RRAS2: variants seen among roughly 807,000 people sequenced by gnomAD.
The protein encoded by RRAS2 is RAS related 2, also known as ras-related protein R-Ras2.
Under a neutral mutation model 27.6 loss-of-function variants are expected in RRAS2, and 7 were observed. The observed-to-expected ratio is 0.25, with a 90% CI of 0.14 to 0.48. The LOEUF is 0.48. Among genes scored for constraint, RRAS2 ranks in the 20% least tolerant of loss-of-function variants. The pLI is 0.99. For missense variants in RRAS2, 178 were observed against 256.2 expected (o/e 0.69, Z 2.08); for synonymous variants, 86 against 90.9 (o/e 0.95, Z 0.31).
At chr11:14,355,523 ATATT>A (rs1849053608) in intron 1 of RRAS2, among the ~76,000 whole-genome samples, 1 of 152,212 alleles carries the variant, frequency 6.6e-6, no homozygotes, top group East Asian at 1.9e-4. Context: ...ATGATTTGTT[ATATT>A]TATTTTTAAA....
At chr11:14,348,067 A>G (rs1229497481) in intron 1 of RRAS2, among the ~76,000 whole-genome samples, 1 of 152,214 alleles carries the variant, frequency 6.6e-6, no homozygotes. Flanking sequence ...TACAAAATTA[A>G]GAAGATATAT....
In RRAS2 at chr11:14,358,807, C is replaced by T; in HGVS notation, c.64G>A (p.Gly22Arg). ...QEKYRLVVVG[G>R]GGVGKSALTI... ...AGCGCCGACTTGCCCACGCCGCCCC[C>T]GCCGACCACCACGAGCCGGTACTTC... The change falls in exon 1 of 6, where the codon GGG becomes AGG. Residue 22 changes from glycine to arginine, a missense_variant. Transcript: ENST00000256196. This position sits in a 1 kb window ranked among gnomAD's most constrained non-coding sequence, Gnocchi z 5.1. The T allele has an allele frequency of 6.7e-7, 1 of 1,490,218 alleles. No individual in the cohort carries two copies. Among genetic ancestry groups the T allele is most frequent in the Non-Finnish European group, 9.0e-7 (1 of 1,113,768 alleles). The allele number at this position is 1,490,218 out of a possible 1,614,324, so 92.3% of individuals were successfully genotyped here. A position where few individuals can be genotyped will look rare whatever the true frequency, so the allele number is the denominator to read the frequency against.
At chr11:14,290,525 C>T (rs1472689830) in intron 4 of RRAS2, among the ~76,000 whole-genome samples, 1 of 152,164 alleles carries the variant, frequency 6.6e-6, no homozygotes, top group Non-Finnish European at 1.5e-5. Context: ...CAATAGCATG[C>T]CCCCTAAGGG....
intron 1 of RRAS2, among the ~76,000 whole-genome samples, chr11:14,313,382 A>G (rs1385634594): frequency 6.6e-6 from 1 of 152,224 alleles, no homozygotes; most frequent in Non-Finnish European, 1.5e-5. Flanking sequence ...CAGATTCTAT[A>G]GCTATTATTG....
At chr11:14,317,446 G>C (rs566587742) in intron 1 of RRAS2, among the ~76,000 whole-genome samples, 1 of 152,270 alleles carries the variant, frequency 6.6e-6, no homozygotes, top group South Asian at 2.1e-4. Flanking sequence ...CAGGTGTGGT[G>C]GTGGGTGCCT....
At chr11:14,351,474 C>T (rs561795870) in intron 1 of RRAS2, among the ~76,000 whole-genome samples, 1 of 152,148 alleles carries the variant, frequency 6.6e-6, no homozygotes, top group South Asian at 2.1e-4. Flanking sequence ...CACCTGTAAT[C>T]CTAGCATTTT....
At position 14,341,996 on chromosome 11, in the gene RRAS2, G is replaced by T. The variant is rs117457571; in HGVS notation, c.108+16767C>A. The T allele has an allele frequency of 8.5e-3, 5,514 of 648,896 alleles. 41 individuals are homozygous for T. Among genetic ancestry groups the T allele is most frequent in the Non-Finnish European group, 0.01 (4,688 of 460,302 alleles). The allele number at this position is 648,896 out of a possible 1,614,324, so 40.2% of individuals were successfully genotyped here. ...GATAGTATTCCTAAACTACGTTTTG[G>T]AGAGGACACCACTGCAAATCTTCAG... On this transcript the variant is annotated intron_variant, in intron 1 of 5. Transcript: ENST00000256196.
At chr11:14,308,333 A>G (rs1554948403) in intron 1 of RRAS2, 3 of 436,826 alleles carry the variant, frequency 6.9e-6, no homozygotes, top group East Asian at 7.4e-5. Context: ...CAGATTAAAC[A>G]TAAACTCTTT....
intron 4 of RRAS2, among the ~76,000 whole-genome samples, chr11:14,289,728 A>C (rs1420929758): frequency 2.0e-5 from 3 of 152,216 alleles, no homozygotes; most frequent in Non-Finnish European, 2.9e-5. Context: ...AGGATGAAAG[A>C]AGCAACCCAG....
chr11:14,295,051 G>C (rs1387361923), intron 2 of RRAS2, among the ~76,000 whole-genome samples, 189 bp from the exon 3 acceptor site: 1 of 152,130 alleles, frequency 6.6e-6, no homozygotes, highest in Non-Finnish European at 1.5e-5. Flanking sequence ...CAGTTACAGA[G>C]TTTATCTTCA....
intron 1 of RRAS2, among the ~76,000 whole-genome samples, chr11:14,324,149 T>C (rs1848293151): frequency 6.6e-6 from 1 of 151,998 alleles, no homozygotes; most frequent in South Asian, 2.1e-4. Flanking sequence ...ATATATTTGA[T>C]ATGATTATCT....
intron 1 of RRAS2, among the ~76,000 whole-genome samples, chr11:14,318,128 A>G (rs538192257): frequency 9.8e-5 from 15 of 152,328 alleles, no homozygotes; most frequent in South Asian, 2.1e-4. Flanking sequence ...AGGCTTTTCT[A>G]TGTGTAAACC....
intron 1 of RRAS2, among the ~76,000 whole-genome samples, chr11:14,334,693 G>C (rs955539824): frequency 7.3e-5 from 11 of 150,338 alleles, no homozygotes; most frequent in African/African-American, 2.0e-4. Context: ...CCCTTCTAGC[G>C]AGTGTTAAAA....
At chr11:14,284,329 T>C (rs1379786565) in intron 4 of RRAS2, among the ~76,000 whole-genome samples, 1 of 152,194 alleles carries the variant, frequency 6.6e-6, no homozygotes, top group East Asian at 1.9e-4. Flanking sequence ...TTTGAAGATA[T>C]CCTAGATACC....
chr11:14,340,592 C>T (rs1365426948), intron 1 of RRAS2, among the ~76,000 whole-genome samples: 8 of 152,130 alleles, frequency 5.3e-5, no homozygotes, highest in Non-Finnish European at 8.8e-5. Context: ...AAAATACCTA[C>T]AAAACTAAAC....
chr11:14,334,982 T>C (rs1848562501), intron 1 of RRAS2, among the ~76,000 whole-genome samples: 1 of 152,242 alleles, frequency 6.6e-6, no homozygotes. Context: ...GCGGTCTGGC[T>C]TCTAGTCCCA....
upstream of RRAS2, among the ~76,000 whole-genome samples, chr11:14,362,224 G>A (rs573510152): frequency 6.6e-6 from 1 of 152,106 alleles, no homozygotes; most frequent in East Asian, 1.9e-4. Context: ...TATTGTGTCT[G>A]TATTATGTCT....
chr11:14,285,094 G>A (rs1257311903), intron 4 of RRAS2, among the ~76,000 whole-genome samples: 2 of 151,858 alleles, frequency 1.3e-5, no homozygotes, highest in Non-Finnish European at 2.9e-5. Flanking sequence ...CCTTCTTTTG[G>A]GTTAGCTGAG....
intron 1 of RRAS2, among the ~76,000 whole-genome samples, chr11:14,327,060 C>CAAAAA (rs201334157): frequency 2.5e-5 from 1 of 39,778 alleles, no homozygotes. Flanking sequence ...GACTCTGTCT[C>CAAAAA]AAAAAAAAAA....
Sources: allele counts gnomAD v4.1 joint callset (sites outside exome capture counted in the v4.1 genomes callset), GRCh38; gene constraint gnomAD v4.1.1; non-coding constraint Gnocchi (gnomAD v3.1); transcripts MANE v1.5; gene names NCBI Gene and HGNC (gene_info 2026-07-23, HGNC 2026-07-21).